CSMD3: variants seen among roughly 807,000 people sequenced by gnomAD.
The protein encoded by CSMD3 is CUB and Sushi multiple domains 3.
CSMD3 carries 177 observed loss-of-function variants against 435.2 expected under a neutral mutation model. The observed-to-expected ratio is 0.41, with a 90% CI of 0.36 to 0.46. CSMD3 has a LOEUF of 0.46. Ranked by LOEUF, CSMD3 falls within the 20% of genes least tolerant of loss-of-function variation. CSMD3 has a pLI of 0.34. For missense variants in CSMD3, 4,265 were observed against 4,504.6 expected (o/e 0.95, Z 1.52); for synonymous variants, 1,656 against 1,520.5 (o/e 1.09, Z -2.07).
At chr8:113,421,777 G>T (rs1203656343) in intron 1 of CSMD3, among the ~76,000 whole-genome samples, 1 of 152,066 alleles carries the variant, frequency 6.6e-6, no homozygotes, top group African/African-American at 2.4e-5. Context: ...TTTCCAAAAG[G>T]AATGCAACTG....
chr8:112,794,166 TA>T (rs997384784), intron 13 of CSMD3, among the ~76,000 whole-genome samples: 1 of 151,254 alleles, frequency 6.6e-6, no homozygotes, highest in African/African-American at 2.4e-5. Context: ...TTATTAATAT[TA>T]AAAAAAAGTT....
At chr8:113,374,345 T>A (rs1465084014) in intron 1 of CSMD3, among the ~76,000 whole-genome samples, 1 of 152,082 alleles carries the variant, frequency 6.6e-6, no homozygotes, top group Non-Finnish European at 1.5e-5. Context: ...ATTCCTTGCA[T>A]GTTTTTGAAA....
chr8:113,092,861 A>C (rs72685813), intron 5 of CSMD3, among the ~76,000 whole-genome samples: 10,141 of 152,026 alleles, frequency 0.067, 457 homozygotes, highest in Non-Finnish European at 0.095. Flanking sequence ...AAACACAAAC[A>C]ACTTGTGTCT....
At chr8:112,485,289 T>C (rs72676626) in intron 31 of CSMD3, among the ~76,000 whole-genome samples, 61 of 152,278 alleles carry the variant, frequency 4.0e-4, no homozygotes, top group Admixed American at 9.8e-4. Context: ...ATAATCTGTG[T>C]ATTTTATCCG....
chr8:112,629,857 C>G (rs571402126), intron 22 of CSMD3, among the ~76,000 whole-genome samples: 1 of 152,254 alleles, frequency 6.6e-6, no homozygotes, highest in East Asian at 1.9e-4. Flanking sequence ...ATGGCTTTCT[C>G]CTCATCACTC....
intron 30 of CSMD3, among the ~76,000 whole-genome samples, chr8:112,502,747 T>C (rs2130909377): frequency 6.6e-6 from 1 of 152,330 alleles, no homozygotes; most frequent in South Asian, 2.1e-4. Flanking sequence ...GGCTGATGGA[T>C]GCTTTGGAGT....
chr8:112,389,471 G>A (rs1264300593), intron 36 of CSMD3, among the ~76,000 whole-genome samples: 1 of 152,154 alleles, frequency 6.6e-6, no homozygotes, highest in Non-Finnish European at 1.5e-5. Flanking sequence ...TAGCAAGAAT[G>A]TAAGTATGCA....
intron 4 of CSMD3, among the ~76,000 whole-genome samples, chr8:113,108,289 G>T (rs768506083): frequency 6.6e-6 from 1 of 151,948 alleles, no homozygotes; most frequent in South Asian, 2.1e-4. Flanking sequence ...TTAGCGGGGC[G>T]TGGTGGCAGG....
intron 3 of CSMD3, among the ~76,000 whole-genome samples, chr8:113,182,519 C>CAA (rs34107182): frequency 1.6e-4 from 23 of 142,948 alleles, no homozygotes; most frequent in South Asian, 4.3e-4. Flanking sequence ...CTGATGCTGC[C>CAA]AAAAAAAAAA....
chr8:112,424,434 T>C (rs151303408), intron 32 of CSMD3, among the ~76,000 whole-genome samples: 2 of 152,312 alleles, frequency 1.3e-5, no homozygotes, highest in African/African-American at 2.4e-5. Flanking sequence ...TTACTTTGTA[T>C]TATGTTTTGG....
At chr8:112,826,374 C>T (rs1434833521) in intron 12 of CSMD3, among the ~76,000 whole-genome samples, 2 of 152,168 alleles carry the variant, frequency 1.3e-5, no homozygotes, top group African/African-American at 2.4e-5. Flanking sequence ...CCCCTGAGAG[C>T]TCGGCAGGCT....
chr8:113,405,979 A>G (rs757280339), intron 1 of CSMD3, among the ~76,000 whole-genome samples: 6 of 151,796 alleles, frequency 4.0e-5, no homozygotes, highest in Non-Finnish European at 7.4e-5. Context: ...TTGGTAATGT[A>G]ACAACTTGCA....
chr8:112,336,497 T>A (rs1468462729), intron 44 of CSMD3, among the ~76,000 whole-genome samples, 155 bp downstream of exon 44: 2 of 151,986 alleles, frequency 1.3e-5, no homozygotes, highest in Non-Finnish European at 2.9e-5. Flanking sequence ...CTTGTGTATG[T>A]AATTCTACAA....
intron 32 of CSMD3, among the ~76,000 whole-genome samples, chr8:112,441,425 G>A (rs1336262822): frequency 6.6e-6 from 1 of 152,016 alleles, no homozygotes; most frequent in African/African-American, 2.4e-5. Context: ...TTCCCACATT[G>A]TCCTGTCTTC....
chr8:112,360,700 A>T (rs1827110406), intron 38 of CSMD3, among the ~76,000 whole-genome samples: 1 of 151,958 alleles, frequency 6.6e-6, no homozygotes, highest in African/African-American at 2.4e-5. Flanking sequence ...AATTAGTACT[A>T]GCAGAAAATT....
intron 2 of CSMD3, among the ~76,000 whole-genome samples, chr8:113,295,797 G>T (rs547153960): frequency 6.6e-6 from 1 of 152,224 alleles, no homozygotes; most frequent in East Asian, 1.9e-4. Context: ...CCATTACTGG[G>T]TATATACCCA....
At chr8:113,416,517 AT>A (rs1438318690) in intron 1 of CSMD3, among the ~76,000 whole-genome samples, 3 of 152,102 alleles carry the variant, frequency 2.0e-5, no homozygotes, top group African/African-American at 7.2e-5. Context: ...TATATAAAGG[AT>A]GCCAGTTTTG....
At chr8:112,599,173 G>A (rs200445175) in intron 22 of CSMD3, among the ~76,000 whole-genome samples, 41 of 135,722 alleles carry the variant, frequency 3.0e-4, no homozygotes, top group South Asian at 4.9e-4. Context: ...AAATTTAAAA[G>A]AAAAAAAAAA....
chr8:112,248,341 A>G (rs1307659721), intron 63 of CSMD3, among the ~76,000 whole-genome samples: 1 of 152,142 alleles, frequency 6.6e-6, no homozygotes, highest in Non-Finnish European at 1.5e-5. Context: ...TATGGTATTT[A>G]GAAGAATAGT....
Sources: allele counts gnomAD v4.1 joint callset (sites outside exome capture counted in the v4.1 genomes callset), GRCh38; gene constraint gnomAD v4.1.1; transcripts MANE v1.5; gene names NCBI Gene and HGNC (gene_info 2026-07-23, HGNC 2026-07-21).